The following DAB1 variants were observed in gnomAD, a reference collection of about 807,000 sequenced individuals.
DAB1 encodes DAB adaptor protein 1.
In DAB1, 15 loss-of-function variants were observed where a neutral mutation model predicts 64.6. The ratio of observed to expected loss-of-function variants is 0.23; its 90% confidence interval spans 0.16 to 0.36. DAB1 has a LOEUF of 0.36. DAB1 is among the 10% of genes least tolerant of loss of function. The probability of loss-of-function intolerance (pLI) is 1.00; values close to 1 mark genes in which losing one functional copy is unlikely to be tolerated. For missense variants in DAB1, 596 were observed against 706.7 expected (o/e 0.84, Z 1.78); for synonymous variants, 235 against 251.9 (o/e 0.93, Z 0.64).
In DAB1 at chr1:57,142,598, T is replaced by TCACACACACACACACACA. The variant is rs149545090; in HGVS notation, c.207+2674_207+2691dup. Among the ~76,000 whole-genome samples, 177 of 142,806 alleles carry TCACACACACACACACACA rather than the reference T, an allele frequency of 1.2e-3. 3 individuals are homozygous for TCACACACACACACACACA. Among genetic ancestry groups the TCACACACACACACACACA allele is most frequent in the East Asian group, 7.3e-3 (35 of 4,764 alleles). 93.7% of individuals were successfully genotyped at this position (142,806 alleles called of 152,430 possible). On this transcript the variant is annotated intron_variant, in intron 3 of 14. Transcript: ENST00000371236. ...GACAGATGGAGCACTTCACTGCAGG[T>TCACACACACACACACACA]CACACACACACACACACACACACAC...
intron 4 of DAB1, among the ~76,000 whole-genome samples, chr1:57,106,867 T>G (rs1231992955): frequency 2.0e-5 from 3 of 151,852 alleles, no homozygotes; most frequent in Non-Finnish European, 1.5e-5. Flanking sequence ...ATAAACACAT[T>G]ATAAAAAAAT....
intron 6 of DAB1, among the ~76,000 whole-genome samples, chr1:57,717,545 T>C (rs547679062): frequency 6.6e-6 from 1 of 152,152 alleles, no homozygotes. Context: ...AACTACTATA[T>C]GATCCAGCAG....
intron 1 of DAB1, among the ~76,000 whole-genome samples, chr1:57,828,662 T>C (rs899131663): frequency 1.3e-5 from 2 of 152,120 alleles, no homozygotes; most frequent in African/African-American, 2.4e-5. Flanking sequence ...ACAGCAAGGA[T>C]AGACAAAAAG....
chr1:57,148,192 A>C (rs1314793194), intron 2 of DAB1, among the ~76,000 whole-genome samples: 1 of 152,242 alleles, frequency 6.6e-6, no homozygotes, highest in Non-Finnish European at 1.5e-5. Context: ...AGAAGCCTTA[A>C]GAAACATTTG....
intron 4 of DAB1, among the ~76,000 whole-genome samples, chr1:58,160,444 G>A (rs769801205): frequency 6.6e-6 from 1 of 152,142 alleles, no homozygotes; most frequent in Non-Finnish European, 1.5e-5. Context: ...AGCAAATCCT[G>A]TACAGAGGGC....
At chr1:58,496,169 C>CTTTTTTTTTTTTTTTT (rs375006213) in intron 3 of DAB1, among the ~76,000 whole-genome samples, 1 of 144,928 alleles carries the variant, frequency 6.9e-6, no homozygotes, top group East Asian at 2.1e-4. Flanking sequence ...TTTTTTTAGA[C>CTTTTTTTTTTTTTTTT]TTTTTTTTTT....
At chr1:57,749,044 C>T (rs1187925327) in intron 6 of DAB1, among the ~76,000 whole-genome samples, 1 of 152,146 alleles carries the variant, frequency 6.6e-6, no homozygotes, top group Non-Finnish European at 1.5e-5. Flanking sequence ...AGGAGGAACT[C>T]AGGATGATGT....
At chr1:58,485,392 T>G (rs992069952) in intron 3 of DAB1, among the ~76,000 whole-genome samples, 10 of 152,008 alleles carry the variant, frequency 6.6e-5, no homozygotes, top group Admixed American at 5.2e-4. Flanking sequence ...ATAAATGTAC[T>G]TTGGAGATGT....
intron 7 of DAB1, among the ~76,000 whole-genome samples, chr1:57,469,460 C>T (rs1687066990): frequency 6.6e-6 from 1 of 152,160 alleles, no homozygotes. Context: ...TTCCCTCCCT[C>T]ATCACTGCAT....
intron 3 of DAB1, among the ~76,000 whole-genome samples, chr1:58,357,026 CAAAA>C (rs3990929): frequency 1.2e-4 from 10 of 86,100 alleles, no homozygotes; most frequent in Admixed American, 1.3e-4. Context: ...ACCCTGTCTC[CAAAA>C]AAAAAAAAAA....
At chr1:57,223,817 CTG>C (rs1557972777) in intron 2 of DAB1, among the ~76,000 whole-genome samples, 2 of 152,182 alleles carry the variant, frequency 1.3e-5, no homozygotes, top group African/African-American at 4.8e-5. Context: ...TGAGCTGGTC[CTG>C]CTGCCACAGC....
chr1:57,890,951 T>G (rs989863769), intron 5 of DAB1, among the ~76,000 whole-genome samples: 19 of 152,178 alleles, frequency 1.2e-4, no homozygotes, highest in Non-Finnish European at 2.5e-4. Flanking sequence ...ATATATGCCC[T>G]TGCCAAAGAC....
chr1:57,543,022 G>A (rs1369012543), intron 7 of DAB1, among the ~76,000 whole-genome samples: 1 of 152,122 alleles, frequency 6.6e-6, no homozygotes, highest in Non-Finnish European at 1.5e-5. Context: ...TTCTGGGAGT[G>A]AGCTTGGAGG....
intron 5 of DAB1, among the ~76,000 whole-genome samples, chr1:57,960,022 T>A (rs1645480208): frequency 6.6e-6 from 1 of 152,212 alleles, no homozygotes; most frequent in Non-Finnish European, 1.5e-5. Context: ...TGGCATACCT[T>A]ATGCAGCATC....
At chr1:57,811,696 A>T (rs1312367142) in intron 6 of DAB1, among the ~76,000 whole-genome samples, 2 of 152,224 alleles carry the variant, frequency 1.3e-5, no homozygotes, top group Non-Finnish European at 2.9e-5. Flanking sequence ...AGTCCTTGCT[A>T]TCATGGGCAT....
At chr1:58,089,867 G>A (rs148048886) in intron 5 of DAB1, among the ~76,000 whole-genome samples, 2,503 of 152,260 alleles carry the variant, frequency 0.016, 56 homozygotes, top group African/African-American at 0.057. Context: ...GCCACCATCC[G>A]CTGGGGGCAG....
chr1:58,048,906 T>C (rs1158998894), intron 5 of DAB1: 1 of 899,738 alleles, frequency 1.1e-6, no homozygotes, highest in South Asian at 1.3e-5. Context: ...CACTTCCATT[T>C]TTCCAACTGT....
intron 5 of DAB1, among the ~76,000 whole-genome samples, chr1:58,022,574 T>C (rs975717956): frequency 6.6e-6 from 1 of 152,134 alleles, no homozygotes; most frequent in Non-Finnish European, 1.5e-5. Context: ...ATTATCACTA[T>C]TGATACCAGT....
intron 8 of DAB1, among the ~76,000 whole-genome samples, chr1:57,063,581 A>G (rs1650618325): frequency 1.3e-5 from 2 of 152,088 alleles, no homozygotes; most frequent in Admixed American, 6.5e-5. Flanking sequence ...ATCTGGTCTC[A>G]CTGTTATGAG....
Sources: gnomAD v4.1 joint callset for allele counts (sites outside exome capture counted in the v4.1 genomes callset) on GRCh38, gnomAD v4.1.1 for gene constraint, MANE v1.5 for transcripts, NCBI Gene and HGNC (gene_info 2026-07-23, HGNC 2026-07-21) for gene names.